The following URAD variants were observed in gnomAD, a reference collection of about 807,000 sequenced individuals.
URAD encodes the protein putative 2-oxo-4-hydroxy-4-carboxy-5-ureidoimidazoline decarboxylase.
URAD carries 4 observed loss-of-function variants against 4.6 expected under a neutral mutation model. The observed-to-expected ratio is 0.87, with a 90% CI of 0.43 to 1.98. URAD has a LOEUF of 1.98. URAD is among the 30% of genes most tolerant of loss of function. The pLI is 0.03. For synonymous variants in URAD, 144 were observed against 118.2 expected (o/e 1.22, Z -1.41); for missense variants, 300 against 255.3 (o/e 1.18, Z -1.19).
intron 1 of URAD, among the ~76,000 whole-genome samples, chr13:27,980,433 G>A (rs1011901361): frequency 6.6e-6 from 1 of 152,310 alleles, no homozygotes; most frequent in Middle Eastern, 3.4e-3. Context: ...CTGGGGAACC[G>A]AGCTCAGCTC....
intron 1 of URAD, among the ~76,000 whole-genome samples, chr13:27,986,124 A>G (rs1323086982): frequency 6.6e-6 from 1 of 152,140 alleles, no homozygotes; most frequent in Non-Finnish European, 1.5e-5. Flanking sequence ...GCAGACACCA[A>G]CAACCGTCCA....
intron 1 of URAD, among the ~76,000 whole-genome samples, chr13:27,984,235 T>C (rs1036336029): frequency 1.3e-5 from 2 of 152,170 alleles, no homozygotes; most frequent in African/African-American, 4.8e-5. Flanking sequence ...TAATTAACTC[T>C]TATGAAAGTT....
intron 1 of URAD, among the ~76,000 whole-genome samples, chr13:27,982,426 A>C (rs1257025033): frequency 6.6e-6 from 1 of 152,092 alleles, no homozygotes; most frequent in Non-Finnish European, 1.5e-5. Flanking sequence ...GTCTCAAAAA[A>C]AATGACTACC....
intron 1 of URAD, among the ~76,000 whole-genome samples, chr13:27,979,142 C>T (rs1296430697): frequency 2.0e-5 from 3 of 152,154 alleles, no homozygotes; most frequent in Non-Finnish European, 4.4e-5. Flanking sequence ...GCCAGAGTTC[C>T]ACAGCCCTTT....
intron 1 of URAD, among the ~76,000 whole-genome samples, chr13:27,979,000 T>C (rs1322337537): frequency 6.6e-6 from 1 of 152,134 alleles, no homozygotes; most frequent in African/African-American, 2.4e-5. Flanking sequence ...GGTGCATCCA[T>C]AGGGATAACA....
At chr13:27,986,652 T>A (rs1367796590) in intron 1 of URAD, among the ~76,000 whole-genome samples, 1 of 152,152 alleles carries the variant, frequency 6.6e-6, no homozygotes, top group African/African-American at 2.4e-5. Context: ...CTCAACACGC[T>A]CCCTCCTCAG....
chr13:27,988,485 A>G lies in URAD; in HGVS notation c.153T>C (p.Phe51=). Residue 51 remains phenylalanine (F), a synonymous_variant, in exon 1 of 2, where the codon TTT becomes TTC. Transcript: ENST00000332715. ...TACCTGACTGTGCAAGGGCATCAAT[A>G]AAGGCAAAAAAGTGCTTCTCTAAAT... is the stretch of plus-strand genomic sequence containing the variant. ...LEDLEKHFFA[F]IDALAQSGQE... 6.2e-7 allele frequency: 1 copy of G among 1,612,342 alleles called. No homozygotes were observed. The highest frequency in any genetic ancestry group is 8.5e-7 in the Non-Finnish European group (1 of 1,179,070).
Position 27,977,979 on chromosome 13 carries a change from CT to C in URAD, c.*126del, listed in dbSNP as rs898704093. The stretch of plus-strand genomic sequence containing the variant: ...CTCGTATGATTGCCTCAATTCTCCA[CT>C]TCCTTTGTGCACGTGTGTGGACGCT... On this transcript the variant is annotated 3_prime_UTR_variant, in exon 2 of 2. Coordinates refer to ENST00000332715, the MANE Select transcript of URAD (RefSeq NM_001105577.2). 3.9e-6 allele frequency: 3 copies of C among 771,568 alleles called. No individual in the cohort carries two copies. Among genetic ancestry groups the C allele is most frequent in the Non-Finnish European group, 3.8e-6 (2 of 532,456 alleles). 47.8% of individuals were successfully genotyped at this position (771,568 alleles called of 1,614,324 possible).
At chr13:27,984,096 G>C (rs1417247836) in intron 1 of URAD, among the ~76,000 whole-genome samples, 1 of 152,096 alleles carries the variant, frequency 6.6e-6, no homozygotes, top group Non-Finnish European at 1.5e-5. Context: ...CATCCAGGCT[G>C]GTGTGCAGTG....
chr13:27,986,542 T>C (rs2137560888), intron 1 of URAD, among the ~76,000 whole-genome samples: 1 of 152,132 alleles, frequency 6.6e-6, no homozygotes, highest in East Asian at 1.9e-4. Context: ...TTATCAAAGT[T>C]CCAGACACAG....
Position 27,978,388 on chromosome 13 carries a change from G to A in URAD, c.240C>T (p.Leu80=). Reference sequence around the variant, plus strand: ...TCTGTTCCCGCTGCGACTCGGCCGTGAGCGTGCCCCGCTGCAGCTCGCTGC... The same window carrying A: ...TCTGTTCCCGCTGCGACTCGGCCGTAAGCGTGCCCCGCTGCAGCTCGCTGC... The part of the protein sequence containing the change: ...LAGSELQRGT[L]TAESQREQSG... The change falls in exon 2 of 2, where the codon CTC becomes CTT. Residue 80 remains leucine (L), a synonymous_variant. Coordinates refer to ENST00000332715, the MANE Select transcript of URAD (RefSeq NM_001105577.2). 3.6e-6 allele frequency: 5 copies of A among 1,401,056 alleles called. No individual in the cohort carries two copies. The highest frequency in any genetic ancestry group is 4.6e-6 in the Non-Finnish European group (5 of 1,083,312). The allele number at this position is 1,401,056 out of a possible 1,614,324, so 86.8% of individuals were successfully genotyped here.
chr13:27,981,393 G>A (rs7327382), intron 1 of URAD, among the ~76,000 whole-genome samples: 16 of 152,208 alleles, frequency 1.1e-4, no homozygotes, highest in African/African-American at 3.9e-4. Flanking sequence ...CAGACAGCCC[G>A]TGGTTCTCAG....
At position 27,978,079 on chromosome 13, in the gene URAD, G is replaced by A. The variant is rs953184394; in HGVS notation, c.*27C>T. 3 of 1,433,984 alleles carry A rather than the reference G, an allele frequency of 2.1e-6. No homozygotes were observed. Among genetic ancestry groups the A allele is most frequent in the Non-Finnish European group, 2.7e-6 (3 of 1,106,982 alleles). The allele number at this position is 1,433,984 out of a possible 1,614,324, so 88.8% of individuals were successfully genotyped here. A position where few individuals can be genotyped will look rare whatever the true frequency, so the allele number is the denominator to read the frequency against. Reference sequence around the variant, plus strand: ...GTGGCCCCCGCGCGTCCGGTTGTGCGTCCCGGGTCCCTGGCCCGCGCGGCA... The same window carrying A: ...GTGGCCCCCGCGCGTCCGGTTGTGCATCCCGGGTCCCTGGCCCGCGCGGCA... On this transcript the variant is annotated 3_prime_UTR_variant, in exon 2 of 2. Coordinates refer to ENST00000332715, the MANE Select transcript of URAD (RefSeq NM_001105577.2).
intron 1 of URAD, 73 bp from the exon 2 acceptor site, chr13:27,978,525 C>T (rs1869786548): frequency 1.7e-6 from 2 of 1,161,064 alleles, no homozygotes; most frequent in Non-Finnish European, 2.2e-6. Flanking sequence ...CGAGGGGGCG[C>T]GTAGGCCGCG....
intron 1 of URAD, among the ~76,000 whole-genome samples, chr13:27,984,137 T>G (rs1186149586): frequency 6.6e-6 from 1 of 152,176 alleles, no homozygotes; most frequent in Non-Finnish European, 1.5e-5. Flanking sequence ...AGCCTCAACC[T>G]TCTGGGCTCA....
intron 1 of URAD, among the ~76,000 whole-genome samples, chr13:27,987,702 T>C (rs1005054107): frequency 1.3e-5 from 2 of 152,164 alleles, no homozygotes; most frequent in Non-Finnish European, 2.9e-5. Context: ...AGGTTCCTCC[T>C]TGTGACCTCA....
chr13:27,980,755 C>T (rs1350218926), intron 1 of URAD, among the ~76,000 whole-genome samples: 2 of 152,146 alleles, frequency 1.3e-5, no homozygotes, highest in Admixed American at 1.3e-4. Context: ...GAGGCGGCGG[C>T]GGCGTCCCGC....
intron 1 of URAD, among the ~76,000 whole-genome samples, chr13:27,984,057 T>G (rs933214142): frequency 1.3e-5 from 2 of 151,826 alleles, no homozygotes; most frequent in African/African-American, 4.8e-5. Flanking sequence ...ATGCACTTTG[T>G]TTTTTTTGTG....
chr13:27,984,449 C>T (rs943201166), intron 1 of URAD, among the ~76,000 whole-genome samples: 9 of 152,292 alleles, frequency 5.9e-5, no homozygotes, highest in South Asian at 4.1e-4. Flanking sequence ...TGGACTGCCA[C>T]CTACTGGCCA....
Sources: allele counts gnomAD v4.1 joint callset (sites outside exome capture counted in the v4.1 genomes callset), GRCh38; gene constraint gnomAD v4.1.1; transcripts MANE v1.5; gene names NCBI Gene and HGNC (gene_info 2026-07-23, HGNC 2026-07-21).